Variants in ABAT observed in about 807,000 individuals in gnomAD.
ABAT encodes the protein 4-aminobutyrate aminotransferase.
ABAT carries 45 observed loss-of-function variants against 64.6 expected under a neutral mutation model. The ratio of observed to expected loss-of-function variants is 0.70; its 90% CI spans 0.55 to 0.89. The LOEUF (loss-of-function observed/expected upper bound fraction) is 0.89. Among genes scored for constraint, ABAT ranks in the 40% least tolerant of loss-of-function variants. The pLI is 0.00. For synonymous variants in ABAT, 297 were observed against 250.5 expected (o/e 1.19, Z -1.75); for missense variants, 633 against 658.4 (o/e 0.96, Z 0.42).
chr16:8,677,669 C>G (rs1204011814), intron 1 of ABAT, among the ~76,000 whole-genome samples: 1 of 152,140 alleles, frequency 6.6e-6, no homozygotes, highest in Non-Finnish European at 1.5e-5. Flanking sequence ...ACTCCCTACC[C>G]CATGAGTCAT....
chr16:8,771,239 G>T (rs2060097198), intron 11 of ABAT, among the ~76,000 whole-genome samples: 2 of 151,308 alleles, frequency 1.3e-5, no homozygotes, highest in South Asian at 4.2e-4. Context: ...TGGTTGCGGT[G>T]AGCTGAGATT....
intron 2 of ABAT, among the ~76,000 whole-genome samples, chr16:8,744,222 G>T (rs2059265135): frequency 6.6e-6 from 1 of 152,148 alleles, no homozygotes; most frequent in Non-Finnish European, 1.5e-5. Flanking sequence ...TCATGGTTCT[G>T]CAGGCTTTAC....
At chr16:8,679,337 G>A (rs1567267577) in intron 1 of ABAT, among the ~76,000 whole-genome samples, 1 of 152,116 alleles carries the variant, frequency 6.6e-6, no homozygotes, top group Non-Finnish European at 1.5e-5. Flanking sequence ...CATCTCAGCA[G>A]GCCAAGCCTC....
intron 1 of ABAT, among the ~76,000 whole-genome samples, chr16:8,718,925 T>G (rs2058287169): frequency 6.6e-6 from 1 of 152,224 alleles, no homozygotes. Context: ...ACAAAGTGTT[T>G]CCAAGTCTGG....
intron 2 of ABAT, among the ~76,000 whole-genome samples, chr16:8,743,444 T>TATATATATATATACATAC (rs368568293): frequency 8.5e-6 from 1 of 117,702 alleles, no homozygotes; most frequent in Non-Finnish European, 1.6e-5. Context: ...TATATATATA[T>TATATATATATATACATAC]ACACACATTT....
chr16:8,746,511 G>T (rs1468896742), intron 3 of ABAT, among the ~76,000 whole-genome samples: 1 of 151,956 alleles, frequency 6.6e-6, no homozygotes, highest in Non-Finnish European at 1.5e-5. Flanking sequence ...CTCCTGAGTA[G>T]CTGGGATTTT....
chr16:8,718,034 G>A (rs150379384), intron 1 of ABAT, among the ~76,000 whole-genome samples: 34 of 152,242 alleles, frequency 2.2e-4, no homozygotes, highest in African/African-American at 7.9e-4. Flanking sequence ...TCACAGACCC[G>A]AGTTTGAAGA....
At chr16:8,762,804 G>A (rs934699049) in intron 6 of ABAT, among the ~76,000 whole-genome samples, 2 of 152,034 alleles carry the variant, frequency 1.3e-5, no homozygotes, top group Admixed American at 1.3e-4. Flanking sequence ...AGAAGGAAAT[G>A]TTCCTTAAAG....
intron 3 of ABAT, 116 bp from the exon 4 acceptor site, chr16:8,747,992 T>A: frequency 1.1e-6 from 1 of 935,820 alleles, no homozygotes; most frequent in Non-Finnish European, 1.7e-6. Flanking sequence ...ACTAATAAAA[T>A]ATTTAGTTAT....
At position 8,783,167 on chromosome 16, in the gene ABAT, C is replaced by T. The variant is rs1374776845; in HGVS notation, c.*1737C>T. On this transcript the variant is annotated 3_prime_UTR_variant, in exon 16 of 16. Coordinates refer to ENST00000268251, the MANE Select transcript of ABAT (RefSeq NM_020686.6). ...TGCCTCCCACTCTCTGCAAGGTTTT[C>T]CTCATTTTTATATTCATTTATTCAT... The T allele has an allele frequency of 1.3e-5, 2 of 152,122 alleles. No individual in the cohort carries two copies. The highest frequency in any genetic ancestry group is 3.9e-4 in the East Asian group (2 of 5,186). 9.4% of individuals were successfully genotyped at this position (152,122 alleles called of 1,614,324 possible). A position where few individuals can be genotyped will look rare whatever the true frequency, so the allele number is the denominator to read the frequency against.
chr16:8,682,552 C>G (rs1730948), intron 1 of ABAT, among the ~76,000 whole-genome samples: 88,419 of 151,850 alleles, frequency 0.58, 26,141 homozygotes, highest in East Asian at 0.77. Context: ...TCACCGGCGG[C>G]CAGAATGCTC....
intron 1 of ABAT, among the ~76,000 whole-genome samples, chr16:8,735,202 A>G (rs1183869095): frequency 6.7e-6 from 1 of 150,300 alleles, no homozygotes; most frequent in Non-Finnish European, 1.5e-5. Flanking sequence ...ATGTGAATTG[A>G]AGTATATATT....
At chr16:8,749,324 G>C (rs550928891) in intron 4 of ABAT, among the ~76,000 whole-genome samples, 1 of 145,466 alleles carries the variant, frequency 6.9e-6, no homozygotes, top group African/African-American at 2.5e-5. Context: ...TGCTGACCTC[G>C]TGATCCACCT....
At chr16:8,684,650 C>T (rs2057411520) in intron 1 of ABAT, among the ~76,000 whole-genome samples, 1 of 151,104 alleles carries the variant, frequency 6.6e-6, no homozygotes, top group Non-Finnish European at 1.5e-5. Context: ...GTCAAGGAGG[C>T]CGAGCCAGGC....
chr16:8,754,182 A>AAAAAG (rs1206059195), intron 5 of ABAT, among the ~76,000 whole-genome samples: 14 of 135,554 alleles, frequency 1.0e-4, no homozygotes, highest in African/African-American at 3.8e-4. Context: ...CTGTCTATAA[A>AAAAAG]AAAAAAAAAA....
intron 1 of ABAT, among the ~76,000 whole-genome samples, chr16:8,734,705 T>C (rs891053347): frequency 2.0e-5 from 3 of 152,190 alleles, no homozygotes; most frequent in Non-Finnish European, 2.9e-5. Flanking sequence ...TGTTCTGAGA[T>C]ACAAATTTTG....
intron 14 of ABAT, among the ~76,000 whole-genome samples, chr16:8,777,139 G>A (rs544101872): frequency 6.6e-6 from 1 of 152,250 alleles, no homozygotes; most frequent in East Asian, 1.9e-4. Flanking sequence ...GACCTCAGGT[G>A]ATCCGCTTGC....
At chr16:8,757,300 T>G (rs1345650900) in intron 5 of ABAT, 1 of 386,944 alleles carries the variant, frequency 2.6e-6, no homozygotes, top group South Asian at 2.0e-5. Flanking sequence ...CCCGAGTACC[T>G]GGGATTACAG....
rs2060425965 is a variant in ABAT at position 8,781,172 on chromosome 16, G to A, written c.1382-137G>A. On this transcript the variant is annotated intron_variant, in intron 15 of 15. Transcript: ENST00000268251. The surrounding 1 kb of genome is among the most constrained non-coding windows in gnomAD (Gnocchi z 4.5). ...GGTGGGTGGTAGGAAGGAAGCCCGG[G>A]CTTCCATGATGGAGGATGATGGATG... 2 of 1,395,686 alleles carry A rather than the reference G, an allele frequency of 1.4e-6. No individual in the cohort carries two copies. Among genetic ancestry groups the A allele is most frequent in the Non-Finnish European group, 2.0e-6 (2 of 992,332 alleles). 86.5% of individuals were successfully genotyped at this position (1,395,686 alleles called of 1,614,324 possible).
Sources: allele counts gnomAD v4.1 joint callset (sites outside exome capture counted in the v4.1 genomes callset), GRCh38; gene constraint gnomAD v4.1.1; non-coding constraint Gnocchi (gnomAD v3.1); transcripts MANE v1.5; gene names NCBI Gene and HGNC (gene_info 2026-07-23, HGNC 2026-07-21).